RBFOX3: variants seen among roughly 807,000 people sequenced by gnomAD.
The protein encoded by RBFOX3 is RNA binding protein fox-1 homolog 3.
Under a neutral mutation model 48.7 loss-of-function variants are expected in RBFOX3, and 17 were observed. The ratio of observed to expected loss-of-function variants is 0.35; its 90% CI spans 0.24 to 0.52. The LOEUF (loss-of-function observed/expected upper bound fraction) is 0.52. RBFOX3 is among the 20% of genes least tolerant of loss of function. The pLI is 0.94. For missense variants in RBFOX3, 382 were observed against 497.5 expected, an observed-to-expected ratio of 0.77 and a Z score of 2.21; for synonymous variants, 212 against 209.5, an observed-to-expected ratio of 1.01 and a Z score of -0.10.
intron 4 of RBFOX3, among the ~76,000 whole-genome samples, chr17:79,229,230 C>CAA (rs59934894): frequency 8.9e-5 from 3 of 33,740 alleles, no homozygotes; most frequent in East Asian, 1.3e-3. Flanking sequence ...GAGACTCTGT[C>CAA]AAAAAAAAAA....
At chr17:79,474,818 C>T (rs1258249826) in intron 2 of RBFOX3, among the ~76,000 whole-genome samples, 3 of 152,150 alleles carry the variant, frequency 2.0e-5, no homozygotes, top group South Asian at 2.1e-4. Context: ...AACTTCAGCA[C>T]CCGTGCCCAC....
the RBFOX3 span, among the ~76,000 whole-genome samples, chr17:79,645,358 T>G: frequency 1.3e-5 from 2 of 152,082 alleles, no homozygotes; most frequent in Non-Finnish European, 2.9e-5. Context: ...CACCGCCTCT[T>G]TATGCGCCAC....
At position 79,418,148 on chromosome 17, in the gene RBFOX3, C is replaced by T. The variant is rs998699288; in HGVS notation, c.-175+64306G>A. On this transcript the variant is annotated intron_variant, in intron 2 of 14. Transcript: ENST00000693108. The surrounding 1 kb of genome is among the most constrained non-coding windows in gnomAD (Gnocchi z 5.0). ...CTGGAGATGGATGGTGATGGCCGCA[C>T]AACAAGATGAATGTACTTAATGCCA... Among the ~76,000 whole-genome samples, 1 of 152,182 alleles carries T rather than the reference C, an allele frequency of 6.6e-6. No homozygotes were observed. Among genetic ancestry groups the T allele is most frequent in the African/African-American group, 2.4e-5 (1 of 41,444 alleles).
In RBFOX3 at chr17:79,471,926, C is replaced by T. The variant is rs1241079683; in HGVS notation, c.-175+10528G>A. ...TATATCAAATACGCCTCAGGAAAAC[C>T]CTTTATGGAAACCTACTATGTGCAG... On this transcript the variant is annotated intron_variant, in intron 2 of 14. Transcript: ENST00000693108. This position sits in a 1 kb window ranked among gnomAD's most constrained non-coding sequence, Gnocchi z 4.0. Among the ~76,000 whole-genome samples, 1 of 152,204 alleles carries T rather than the reference C, an allele frequency of 6.6e-6. No individual in the cohort carries two copies. The highest frequency in any genetic ancestry group is 1.5e-5 in the Non-Finnish European group (1 of 68,036).
At chr17:79,606,392 C>A (rs1178720988) in intron 1 of RBFOX3, among the ~76,000 whole-genome samples, 2 of 152,168 alleles carry the variant, frequency 1.3e-5, no homozygotes, top group African/African-American at 4.8e-5. Context: ...GGTCCTTTCC[C>A]AGGCCAAGAG....
chr17:79,101,469 G>A lies in RBFOX3; in HGVS notation c.568+115C>T, dbSNP rs935691956. The A allele has an allele frequency of 1.2e-4, 108 of 939,000 alleles. 1 individual carries two copies. In the African/African-American group the frequency reaches 1.6e-3, roughly 14 times the overall value. The allele number at this position is 939,000 out of a possible 1,614,324, so 58.2% of individuals were successfully genotyped here. A position where few individuals can be genotyped will look rare whatever the true frequency, so the allele number is the denominator to read the frequency against. On this transcript the variant is annotated intron_variant, in intron 9 of 14. Coordinates refer to ENST00000693108, the MANE Select transcript of RBFOX3 (RefSeq NM_001350451.2). ...CGGCAGCCCCAGGGCTGGGACACTGGGGACGGAGGCTGCCTAGGATCCAGG... is the reference window on the plus strand; with the variant it reads ...CGGCAGCCCCAGGGCTGGGACACTGAGGACGGAGGCTGCCTAGGATCCAGG...
chr17:79,589,255 G>T (rs1250230677), intron 1 of RBFOX3, among the ~76,000 whole-genome samples: 2 of 151,988 alleles, frequency 1.3e-5, no homozygotes, highest in Admixed American at 1.3e-4. Flanking sequence ...GGACTCCGCA[G>T]GTGGGCTTCT....
At chr17:79,549,303 C>T (rs551571159) in intron 1 of RBFOX3, among the ~76,000 whole-genome samples, 3 of 152,358 alleles carry the variant, frequency 2.0e-5, no homozygotes, top group South Asian at 2.1e-4. Flanking sequence ...AGAGAAGCTC[C>T]GCCCCCTGGC....
In RBFOX3 at chr17:79,111,599, T is replaced by C. The variant is rs1006255127; in HGVS notation, c.222+3895A>G. Among the ~76,000 whole-genome samples, 1 of 152,070 alleles carries C rather than the reference T, an allele frequency of 6.6e-6. No homozygotes were observed. Among genetic ancestry groups the C allele is most frequent in the African/African-American group, 2.4e-5 (1 of 41,394 alleles). ...TACAGGCACGAGCCACCATGCCCGA[T>C]TAATTTTTGTATTTTTGTAGAGACA... On this transcript the variant is annotated intron_variant, in intron 5 of 14. Transcript: ENST00000693108. The surrounding 1 kb of genome is among the most constrained non-coding windows in gnomAD (Gnocchi z 4.2).
intron 4 of RBFOX3, among the ~76,000 whole-genome samples, chr17:79,136,635 A>T (rs376296062): frequency 6.6e-6 from 1 of 152,152 alleles, no homozygotes. Flanking sequence ...CTGGCGTAGC[A>T]CTGCCAGAAG....
intron 3 of RBFOX3, among the ~76,000 whole-genome samples, chr17:79,281,946 G>A (rs920291445): frequency 6.6e-5 from 10 of 152,172 alleles, no homozygotes; most frequent in African/African-American, 1.4e-4. Flanking sequence ...GGTGCAGCCC[G>A]TTAATTTCAT....
Position 79,249,549 on chromosome 17 carries a change from C to T in RBFOX3, c.-73-13744G>A, listed in dbSNP as rs549913212. 4.7e-4 allele frequency among the ~76,000 whole-genome samples: 72 copies of T among 152,196 alleles called. No individual in the cohort carries two copies. The highest frequency in any genetic ancestry group is 2.1e-3 in the East Asian group (11 of 5,178). On this transcript the variant is annotated intron_variant, in intron 3 of 14. Coordinates refer to ENST00000693108, the MANE Select transcript of RBFOX3 (RefSeq NM_001350451.2). The surrounding 1 kb of genome is among the most constrained non-coding windows in gnomAD (Gnocchi z 4.1). ...CCACACCCCAAGCCCCTGCCTCTAT[C>T]GGGGTCCCATGCTCCCGGAGACTGT...
At chr17:79,099,126 T>G (rs981927295) in intron 9 of RBFOX3, 23 of 152,368 alleles carry the variant, frequency 1.5e-4, no homozygotes, top group African/African-American at 5.3e-4. Flanking sequence ...GGAAGAAACT[T>G]TTTTTGGGGG....
intron 5 of RBFOX3, among the ~76,000 whole-genome samples, chr17:79,113,162 G>T (rs1300098283): frequency 6.6e-6 from 1 of 152,138 alleles, no homozygotes; most frequent in African/African-American, 2.4e-5. Context: ...CAGGGACAGG[G>T]TCTGGGGACA....
At chr17:79,225,889 A>G (rs1275095455) in intron 4 of RBFOX3, among the ~76,000 whole-genome samples, 1 of 151,912 alleles carries the variant, frequency 6.6e-6, no homozygotes, top group Non-Finnish European at 1.5e-5. Flanking sequence ...CAACAAACAT[A>G]ATTTAGAAAA....
intron 1 of RBFOX3, among the ~76,000 whole-genome samples, chr17:79,574,056 G>A (rs1370690113): frequency 6.6e-6 from 1 of 152,218 alleles, no homozygotes; most frequent in African/African-American, 2.4e-5. Flanking sequence ...AAGGGAGCAG[G>A]TCAGCAAGGA....
chr17:79,538,369 G>T (rs2089183240), intron 1 of RBFOX3, among the ~76,000 whole-genome samples: 1 of 152,232 alleles, frequency 6.6e-6, no homozygotes, highest in Admixed American at 6.5e-5. Context: ...GAGAGCTGGA[G>T]TTTTCCCTTC....
chr17:79,503,730 G>A (rs1337712253), intron 1 of RBFOX3, among the ~76,000 whole-genome samples: 1 of 152,188 alleles, frequency 6.6e-6, no homozygotes, highest in Non-Finnish European at 1.5e-5. Context: ...GGGTCCACTG[G>A]GAGGGGAAGA....
Position 79,221,115 on chromosome 17 carries a change from G to A in RBFOX3, c.-34+14651C>T, listed in dbSNP as rs528242189. On this transcript the variant is annotated intron_variant, in intron 4 of 14. Coordinates refer to ENST00000693108, the MANE Select transcript of RBFOX3 (RefSeq NM_001350451.2). ...TTCCGCTCAGCCCTGCCGAAAAGCC[G>A]ATGCCGGCTGAGCGCTGTTGACAGA... 4.6e-5 allele frequency among the ~76,000 whole-genome samples: 7 copies of A among 152,330 alleles called. No homozygotes were observed. The South Asian group carries it at 1.0e-3, about 23-fold the overall frequency.
Sources: allele counts gnomAD v4.1 joint callset (sites outside exome capture counted in the v4.1 genomes callset), GRCh38; gene constraint gnomAD v4.1.1; non-coding constraint Gnocchi (gnomAD v3.1); transcripts MANE v1.5; gene names NCBI Gene and HGNC (gene_info 2026-07-23, HGNC 2026-07-21).